Variants in GRIA4 observed in about 807,000 individuals in gnomAD.
GRIA4 encodes glutamate receptor 4.
A neutral mutation model predicts 104.0 loss-of-function variants in GRIA4; 34 were observed. That is an observed-to-expected ratio of 0.33 (90% CI 0.25 to 0.44). The LOEUF (loss-of-function observed/expected upper bound fraction) is 0.44, where lower values mean the gene tolerates loss of function less well. Among genes scored for constraint, GRIA4 ranks in the 20% least tolerant of loss-of-function variants. GRIA4 has a pLI of 1.00. For missense variants in GRIA4, 750 were observed against 1,096.5 expected (o/e 0.68, Z 4.46); for synonymous variants, 386 against 381.9 (o/e 1.01, Z -0.13).
chr11:105,956,399 G>C (rs534117754), intron 14 of GRIA4, among the ~76,000 whole-genome samples: 6 of 152,210 alleles, frequency 3.9e-5, no homozygotes, highest in African/African-American at 1.2e-4. Flanking sequence ...CAGAATGATG[G>C]ATTCCAGCTT....
chr11:105,937,011 T>C (rs1375458871), intron 14 of GRIA4, among the ~76,000 whole-genome samples: 2 of 152,174 alleles, frequency 1.3e-5, no homozygotes, highest in Non-Finnish European at 2.9e-5. Context: ...GACAGAACAA[T>C]TCCAGGTATA....
At chr11:105,709,300 G>A (rs1953825436) in intron 3 of GRIA4, among the ~76,000 whole-genome samples, 1 of 152,026 alleles carries the variant, frequency 6.6e-6, no homozygotes, top group South Asian at 2.1e-4. Flanking sequence ...ATAGATGGAG[G>A]AGAAGCTCCA....
rs559493072 is a variant in GRIA4, at chr11:105,715,127, C to T, written c.248-37854C>T. ...GGACTTTCAAATCAGTGTAAATCAG[C>T]GTAGTCAATAAACAGCAATCACTTA... On this transcript the variant is annotated intron_variant, in intron 3 of 16. Transcript: ENST00000282499. Among the ~76,000 whole-genome samples, 40 of 152,210 alleles carry T rather than the reference C, an allele frequency of 2.6e-4. No homozygotes were observed. In the South Asian group the frequency reaches 7.9e-3, roughly 30 times the overall value.
chr11:105,675,873 A>G (rs186562046), intron 3 of GRIA4, among the ~76,000 whole-genome samples: 11 of 151,988 alleles, frequency 7.2e-5, no homozygotes, highest in African/African-American at 2.6e-4. Flanking sequence ...AAAGTGAAAA[A>G]TGTAGACACA....
intron 3 of GRIA4, among the ~76,000 whole-genome samples, chr11:105,732,781 G>A (rs1938680343): frequency 6.6e-6 from 1 of 152,172 alleles, no homozygotes; most frequent in Non-Finnish European, 1.5e-5. Context: ...TTAGTTGCCA[G>A]GGAGGCTGGG....
intron 14 of GRIA4, among the ~76,000 whole-genome samples, chr11:105,937,436 C>T (rs1027753070): frequency 2.0e-5 from 3 of 152,074 alleles, no homozygotes; most frequent in African/African-American, 7.2e-5. Flanking sequence ...ATAAATAAAC[C>T]TGTTAAAGGT....
Position 105,980,066 on chromosome 11 carries a change from C to T in GRIA4, c.*327C>T, listed in dbSNP as rs1464181015. On this transcript the variant is annotated 3_prime_UTR_variant, in exon 17 of 17. Coordinates refer to ENST00000282499, the MANE Select transcript of GRIA4 (RefSeq NM_000829.4). ...AAAACTAATCAGACTTATGAGTTAG[C>T]GCATTAAACTGTGAAGTTCTTGCTC... 1 of 212,096 alleles carries T rather than the reference C, an allele frequency of 4.7e-6. No homozygotes were observed. Among genetic ancestry groups the T allele is most frequent in the Non-Finnish European group, 9.6e-6 (1 of 104,160 alleles). 13.1% of individuals were successfully genotyped at this position (212,096 alleles called of 1,614,324 possible). A position where few individuals can be genotyped will look rare whatever the true frequency, so the allele number is the denominator to read the frequency against.
chr11:105,874,473 A>G (rs1364746135), intron 5 of GRIA4, among the ~76,000 whole-genome samples: 1 of 152,182 alleles, frequency 6.6e-6, no homozygotes, highest in Admixed American at 6.5e-5. Flanking sequence ...TGGTAGCTTG[A>G]TGGAGATAGC....
At chr11:105,716,699 A>G (rs540748187) in intron 3 of GRIA4, among the ~76,000 whole-genome samples, 1 of 152,234 alleles carries the variant, frequency 6.6e-6, no homozygotes, top group East Asian at 1.9e-4. Flanking sequence ...CTTAACATCA[A>G]TTTAACCATT....
At chr11:105,610,695 G>T (rs996230816) in intron 1 of GRIA4, 4 of 322,268 alleles carry the variant, frequency 1.2e-5, no homozygotes, top group African/African-American at 6.4e-5. Context: ...GCCACTAGAC[G>T]CTCCACCACC....
chr11:105,926,631 A>G (rs1259688302), intron 12 of GRIA4, 110 bp from the exon 13 acceptor site: 6 of 710,364 alleles, frequency 8.4e-6, no homozygotes, highest in Non-Finnish European at 1.5e-5. Context: ...AAATAAAACA[A>G]TACTTGGCAA....
At chr11:105,704,170 T>C (rs551604120) in intron 3 of GRIA4, among the ~76,000 whole-genome samples, 1 of 152,006 alleles carries the variant, frequency 6.6e-6, no homozygotes, top group African/African-American at 2.4e-5. Context: ...CCATGCTGCT[T>C]GTATTAGTCA....
chr11:105,780,396 T>C (rs2135770603), intron 4 of GRIA4, among the ~76,000 whole-genome samples: 1 of 152,286 alleles, frequency 6.6e-6, no homozygotes, highest in African/African-American at 2.4e-5. Context: ...AAGTATAGAG[T>C]ACCTATTTCT....
chr11:105,899,042 G>A (rs1180482594), intron 7 of GRIA4, among the ~76,000 whole-genome samples: 1 of 152,040 alleles, frequency 6.6e-6, no homozygotes, highest in East Asian at 1.9e-4. Context: ...AGTGGTTTGA[G>A]CCCCTACCTA....
chr11:105,610,861 CTTTCTTTTCTT>C (rs1181919987), intron 1 of GRIA4, 36 bp from the exon 2 acceptor site: 45 of 542,806 alleles, frequency 8.3e-5, no homozygotes, highest in African/African-American at 7.0e-4. Flanking sequence ...TCTTTCTTTT[CTTTCTTTTCTT>C]TTTTTTTTTT....
Position 105,890,749 on chromosome 11 carries a change from G to A in GRIA4, c.726+3177G>A, listed in dbSNP as rs2136107898. Among the ~76,000 whole-genome samples, 3 of 152,300 alleles carry A rather than the reference G, an allele frequency of 2.0e-5. 1 individual carries two copies. The highest frequency in any genetic ancestry group is 2.0e-4 in the Admixed American group (3 of 15,298). On this transcript the variant is annotated intron_variant, in intron 6 of 16. Coordinates refer to ENST00000282499, the MANE Select transcript of GRIA4 (RefSeq NM_000829.4). ...ACATCATCTGAACAGCATGAGCTAT[G>A]CCTGATATCTAATTGAATGGGCATG...
chr11:105,797,750 T>G (rs1565243942), intron 4 of GRIA4: 1 of 452,778 alleles, frequency 2.2e-6, no homozygotes, highest in Non-Finnish European at 4.4e-6. Context: ...ACCACACCAT[T>G]GGCAAGTAAT....
intron 3 of GRIA4, among the ~76,000 whole-genome samples, chr11:105,662,740 T>A (rs1952050039): frequency 6.6e-6 from 1 of 151,864 alleles, no homozygotes. Context: ...GAAAGATCTA[T>A]TGATTAAAAT....
intron 3 of GRIA4, among the ~76,000 whole-genome samples, chr11:105,681,290 A>T (rs1311391619): frequency 1.3e-5 from 2 of 152,186 alleles, no homozygotes; most frequent in Non-Finnish European, 2.9e-5. Flanking sequence ...CCACTGAGGG[A>T]TGTGAGGACA....
Sources: gnomAD v4.1 joint callset for allele counts (sites outside exome capture counted in the v4.1 genomes callset) on GRCh38, gnomAD v4.1.1 for gene constraint, MANE v1.5 for transcripts, NCBI Gene and HGNC (gene_info 2026-07-23, HGNC 2026-07-21) for gene names.